Variants in MGAT4A observed in about 807,000 individuals in gnomAD.
MGAT4A encodes the protein N-acetylglucosaminyltransferase IVa.
MGAT4A carries 33 observed loss-of-function variants against 74.1 expected under a neutral mutation model. The observed-to-expected ratio is 0.45, with a 90% CI of 0.34 to 0.60. MGAT4A has a LOEUF of 0.60. Ranked by LOEUF, MGAT4A falls within the 20% of genes least tolerant of loss-of-function variation. The pLI is 0.02. For synonymous variants in MGAT4A, 198 were observed against 210.4 expected (o/e 0.94, Z 0.51); for missense variants, 479 against 628.3 (o/e 0.76, Z 2.54).
chr2:98,670,530 G>GCATTCTCAATCTT (rs1237502630), intron 4 of MGAT4A, among the ~76,000 whole-genome samples: 1 of 152,108 alleles, frequency 6.6e-6, no homozygotes, highest in Admixed American at 6.5e-5. Context: ...AAAAATCTTG[G>GCATTCTCAATCTT]CATTCTCAAT....
chr2:98,653,413 A>G (rs1701612155), intron 8 of MGAT4A, among the ~76,000 whole-genome samples: 1 of 151,456 alleles, frequency 6.6e-6, no homozygotes, highest in Admixed American at 6.6e-5. Context: ...GAAAAGATCA[A>G]TAAAATTAAT....
intron 2 of MGAT4A, among the ~76,000 whole-genome samples, chr2:98,681,489 A>T (rs1702059039): frequency 6.6e-6 from 1 of 152,160 alleles, no homozygotes; most frequent in South Asian, 2.1e-4. Context: ...CAGTCCAGAG[A>T]GTGTGGACAA....
intron 4 of MGAT4A, among the ~76,000 whole-genome samples, chr2:98,666,326 T>C (rs537655090): frequency 6.6e-6 from 1 of 152,300 alleles, no homozygotes; most frequent in South Asian, 2.1e-4. Context: ...ATTTCTCTTC[T>C]GACCATGTTA....
At chr2:98,639,716 C>T in intron 12 of MGAT4A, 92 bp downstream of exon 12, 4 of 1,152,516 alleles carry the variant, frequency 3.5e-6, no homozygotes, top group Non-Finnish European at 4.8e-6. Context: ...GTCCCCACAT[C>T]TGTCAGGCAC....
At chr2:98,636,436 C>A in intron 13 of MGAT4A, 81 bp downstream of exon 13, 1 of 1,049,324 alleles carries the variant, frequency 9.5e-7, no homozygotes, top group Non-Finnish European at 1.5e-6. Context: ...ATTTTCTTTC[C>A]CCTTAAAAAC....
chr2:98,730,621 C>T (rs541957490), intron 1 of MGAT4A, among the ~76,000 whole-genome samples: 2 of 151,900 alleles, frequency 1.3e-5, no homozygotes, highest in South Asian at 4.2e-4. Flanking sequence ...TGTCCCTCCC[C>T]CTCCGCACCC....
intron 2 of MGAT4A, among the ~76,000 whole-genome samples, chr2:98,713,467 A>T (rs909091962): frequency 6.6e-6 from 1 of 151,228 alleles, no homozygotes; most frequent in Non-Finnish European, 1.5e-5. Flanking sequence ...AAAAAAAAAC[A>T]AACAAACCCG....
At chr2:98,649,012 G>A (rs1349927728) in intron 8 of MGAT4A, among the ~76,000 whole-genome samples, 1 of 152,208 alleles carries the variant, frequency 6.6e-6, no homozygotes, top group Non-Finnish European at 1.5e-5. Context: ...TCCAGCCTGT[G>A]TGACAGTCAG....
At chr2:98,673,843 G>A (rs1701943503) in intron 4 of MGAT4A, among the ~76,000 whole-genome samples, 1 of 152,142 alleles carries the variant, frequency 6.6e-6, no homozygotes, top group African/African-American at 2.4e-5. Context: ...ATTAAAGGGA[G>A]AGATGATATC....
At chr2:98,715,317 CAAAAAAAAAA>C (rs201860893) in intron 2 of MGAT4A, among the ~76,000 whole-genome samples, 1 of 63,256 alleles carries the variant, frequency 1.6e-5, no homozygotes, top group Non-Finnish European at 3.3e-5. Context: ...GACTTCATCT[CAAAAAAAAAA>C]AAAAAAAAAA....
At position 98,684,108 on chromosome 2, in the gene MGAT4A, T is replaced by C. The variant is rs13430210; in HGVS notation, c.95-5637A>G. On this transcript the variant is annotated intron_variant, in intron 2 of 15. Coordinates refer to ENST00000393487, the MANE Select transcript of MGAT4A (RefSeq NM_012214.3). ...AATTTTCCCTAGACTTTTCTCCATTTATATTTCCCGTAATACTATACAGCT... is the reference window on the plus strand; with the variant it reads ...AATTTTCCCTAGACTTTTCTCCATTCATATTTCCCGTAATACTATACAGCT... Among the ~76,000 whole-genome samples, 285 of 152,358 alleles carry C rather than the reference T, an allele frequency of 1.9e-3. 1 individual carries two copies. Among genetic ancestry groups the C allele is most frequent in the African/African-American group, 6.7e-3 (277 of 41,572 alleles).
intron 8 of MGAT4A, among the ~76,000 whole-genome samples, 177 bp from the exon 9 acceptor site, chr2:98,645,719 A>G (rs1245535127): frequency 1.3e-5 from 2 of 152,224 alleles, no homozygotes; most frequent in Non-Finnish European, 2.9e-5. Flanking sequence ...AACAAAATGG[A>G]AGAAATACAT....
chr2:98,685,513 T>G (rs1054713938), intron 2 of MGAT4A, among the ~76,000 whole-genome samples: 1 of 151,962 alleles, frequency 6.6e-6, no homozygotes, highest in African/African-American at 2.4e-5. Context: ...TTCCCACTTA[T>G]AAACCTCTTA....
chr2:98,676,929 G>A (rs1342046627), intron 3 of MGAT4A, among the ~76,000 whole-genome samples: 1 of 152,182 alleles, frequency 6.6e-6, no homozygotes, highest in Non-Finnish European at 1.5e-5. Context: ...TTCAACATCA[G>A]GGTGACATAA....
At chr2:98,713,460 A>C (rs1702545990) in intron 2 of MGAT4A, among the ~76,000 whole-genome samples, 1 of 151,524 alleles carries the variant, frequency 6.6e-6, no homozygotes, top group Non-Finnish European at 1.5e-5. Flanking sequence ...TAAAAAAAAA[A>C]AAAAACAAAC....
At chr2:98,704,261 A>C (rs976546519) in intron 2 of MGAT4A, among the ~76,000 whole-genome samples, 2 of 152,202 alleles carry the variant, frequency 1.3e-5, no homozygotes, top group Non-Finnish European at 2.9e-5. Flanking sequence ...AAAGTGTAAA[A>C]GCTCTATGTA....
Position 98,623,056 on chromosome 2 carries a change from C to T in MGAT4A, c.*2510G>A. On this transcript the variant is annotated 3_prime_UTR_variant, in exon 16 of 16. Transcript: ENST00000393487. ...AATGATAAAAAGAGAAAGAGGAGGGCAGGCTGGAATAATTGGTCTCACATC... is the reference window on the plus strand; with the variant it reads ...AATGATAAAAAGAGAAAGAGGAGGGTAGGCTGGAATAATTGGTCTCACATC... 2.0e-6 allele frequency: 2 copies of T among 985,556 alleles called. No homozygotes were observed. The highest frequency in any genetic ancestry group is 2.4e-6 in the Non-Finnish European group (2 of 830,116). 61.1% of individuals were successfully genotyped at this position (985,556 alleles called of 1,614,324 possible). A position where few individuals can be genotyped will look rare whatever the true frequency, so the allele number is the denominator to read the frequency against.
chr2:98,665,608 C>T (rs1239899758), intron 4 of MGAT4A, among the ~76,000 whole-genome samples: 1 of 152,232 alleles, frequency 6.6e-6, no homozygotes, highest in East Asian at 1.9e-4. Flanking sequence ...AGGTGTTAAG[C>T]ATACAATGGT....
intron 14 of MGAT4A, among the ~76,000 whole-genome samples, chr2:98,634,175 C>T (rs955373342): frequency 1.3e-5 from 2 of 152,134 alleles, no homozygotes; most frequent in Non-Finnish European, 2.9e-5. Flanking sequence ...ACAGGACATA[C>T]AGGAGAGACA....
Sources: gnomAD v4.1 joint callset for allele counts (sites outside exome capture counted in the v4.1 genomes callset) on GRCh38, gnomAD v4.1.1 for gene constraint, MANE v1.5 for transcripts, NCBI Gene and HGNC (gene_info 2026-07-23, HGNC 2026-07-21) for gene names.